MKI67: variants seen among roughly 807,000 people sequenced by gnomAD.
MKI67 encodes marker of proliferation Ki-67.
A neutral mutation model predicts 233.5 loss-of-function variants in MKI67; 152 were observed. The ratio of observed to expected loss-of-function variants is 0.65; its 90% CI spans 0.57 to 0.74. The LOEUF (loss-of-function observed/expected upper bound fraction) is 0.74, where lower values mean the gene tolerates loss of function less well. Ranked by LOEUF, MKI67 falls within the 30% of genes least tolerant of loss-of-function variation. The pLI, the probability that MKI67 is intolerant of heterozygous loss-of-function variation, is 0.00. For synonymous variants in MKI67, 1,465 were observed against 1,418.5 expected (o/e 1.03, Z -0.74); for missense variants, 3,940 against 3,885.2 (o/e 1.01, Z -0.37).
rs73388044 is a variant in MKI67 at position 128,116,330 on chromosome 10, A to T, written c.400+161T>A. 8.0e-3 allele frequency among the ~76,000 whole-genome samples: 1,213 copies of T among 152,356 alleles called. 18 individuals carry two copies. Among genetic ancestry groups the T allele is most frequent in the African/African-American group, 0.028 (1,163 of 41,586 alleles). The stretch of plus-strand genomic sequence containing the variant: ...AGCATACCATCAGTCACCAAGGGAA[A>T]GTTAGGCATCTGTCTGTCGTTGACA... On this transcript the variant is annotated intron_variant, in intron 6 of 14. Coordinates refer to ENST00000368654, the MANE Select transcript of MKI67 (RefSeq NM_002417.5).
intron 8 of MKI67, among the ~76,000 whole-genome samples, chr10:128,112,901 G>C (rs536591371): frequency 1.6e-4 from 24 of 152,262 alleles, no homozygotes; most frequent in African/African-American, 4.6e-4. Context: ...TGAGCTATAG[G>C]GCCATGACTT....
rs1852776470 is a variant in MKI67, at chr10:128,115,293, C to A, written c.1115G>T (p.Arg372Ile). The A allele has an allele frequency of 1.2e-6, 2 of 1,613,946 alleles. No homozygotes were observed. Among genetic ancestry groups the A allele is most frequent in the African/African-American group, 1.3e-5 (1 of 74,882 alleles). ...ACTTTTACCCAGATTCACAGATTCT[C>A]TTCTACCAGTAGTATACAGGTCTTT... ...KNKDLYTTGR[R>I]ESVNLGKSEG... is the part of the protein sequence containing the mutation. The change falls in exon 7 of 15, where the codon AGA (arginine) becomes ATA (isoleucine). Residue 372 changes from arginine to isoleucine, a missense_variant. Arg to Ile is a moderately conservative substitution (Grantham distance 97). Transcript: ENST00000368654.
rs1312988348 is a variant in MKI67 at position 128,108,305 on chromosome 10, G to A, written c.3535C>T (p.Pro1179Ser). The A allele has an allele frequency of 6.2e-6, 10 of 1,614,026 alleles. No homozygotes were observed. Among genetic ancestry groups the A allele is most frequent in the Non-Finnish European group, 8.5e-6 (10 of 1,179,998 alleles). The change falls in exon 13 of 15, where the codon CCA becomes TCA. Residue 1179 changes from proline to serine, a missense_variant. Physicochemically the swap from Pro to Ser is moderately conservative, Grantham distance 74. Coordinates refer to ENST00000368654, the MANE Select transcript of MKI67 (RefSeq NM_002417.5). ...ATGTCTTTCTCATCACCTCCTGCTG[G>A]TTTGGGCGTAAGCATGGCTTTCCCT... ...SAGKAMLTPK[P>S]AGGDEKDIKA... is the part of the protein sequence containing the mutation.
At position 128,107,767 on chromosome 10, in the gene MKI67, T is replaced by C. The variant is rs917447347; in HGVS notation, c.4073A>G (p.His1358Arg). Residue 1358 changes from histidine to arginine, a missense_variant, in exon 13 of 15, where the codon CAT becomes CGT. Coordinates refer to ENST00000368654, the MANE Select transcript of MKI67 (RefSeq NM_002417.5). Reference sequence around the variant, plus strand: ...GCCAGCAGCCACTGCTTCTTCAGTATGACCAGGGGTCTGGAAGAGCTCTTT... The same window carrying C: ...GCCAGCAGCCACTGCTTCTTCAGTACGACCAGGGGTCTGGAAGAGCTCTTT... ...GFKELFQTPGHTEEAVAAGKT... is the reference protein window; with the variant it reads ...GFKELFQTPGRTEEAVAAGKT... 6.2e-7 allele frequency: 1 copy of C among 1,613,854 alleles called. No homozygotes were observed. Among genetic ancestry groups the C allele is most frequent in the South Asian group, 1.1e-5 (1 of 91,066 alleles).
chr10:128,116,532 G>A lies in MKI67; in HGVS notation c.359C>T (p.Pro120Leu), dbSNP rs752217089. ...GCTAGATCTTGAGACACGACGTGCT[G>A]GCTCCTGTAAGTTGGGAAAATAAGA... ...EFPRKIREQE[P>L]ARRVSRSSFS... The change falls in exon 6 of 15, where the codon CCA becomes CTA. Residue 120 changes from proline (P) to leucine (L), a missense_variant. Transcript: ENST00000368654. 2 of 1,613,886 alleles carry A rather than the reference G, an allele frequency of 1.2e-6. No individual in the cohort carries two copies. Among genetic ancestry groups the A allele is most frequent in the Non-Finnish European group, 1.7e-6 (2 of 1,179,752 alleles).
chr10:128,109,430 T>C lies in MKI67; in HGVS notation c.2417-7A>G, dbSNP rs1198168253. On this transcript the variant is annotated splice_region_variant and splice_polypyrimidine_tract_variant and intron_variant, in intron 12 of 14. Transcript: ENST00000368654. ...CTGAAGAACACATTTCCTCCTGAAA[T>C]AAAAACATACACAATAAAAACATTC... is the stretch of plus-strand genomic sequence containing the variant. 6.2e-7 allele frequency: 1 copy of C among 1,600,524 alleles called. No individual in the cohort carries two copies. Among genetic ancestry groups the C allele is most frequent in the Non-Finnish European group, 8.5e-7 (1 of 1,172,800 alleles).
rs1199565260 is a variant in MKI67 at position 128,105,372 on chromosome 10, GC to G, written c.6467del (p.Gly2156AlafsTer19). 6.2e-7 allele frequency: 1 copy of G among 1,614,062 alleles called. No individual in the cohort carries two copies. Among genetic ancestry groups the G allele is most frequent in the African/African-American group, 1.3e-5 (1 of 74,920 alleles). ...TTGCAGTTTCCCTGAACACGTTGAT[GC>G]CTTTATCCTCATCTCCTGGTACTTT... ...TDKVPGDEDK[G>X]INVFRETAKQ... On this transcript the variant is annotated frameshift_variant, in exon 13 of 15. Coordinates refer to ENST00000368654, the MANE Select transcript of MKI67 (RefSeq NM_002417.5). LOFTEE classifies it high-confidence loss of function.
At chr10:128,116,976 CTGTT>C (rs1341916722) in intron 5 of MKI67, among the ~76,000 whole-genome samples, 2 of 152,152 alleles carry the variant, frequency 1.3e-5, no homozygotes, top group African/African-American at 2.4e-5. Context: ...CTTTTAAAGA[CTGTT>C]TGAGAAATGA....
chr10:128,119,673 A>C (rs932897154), intron 4 of MKI67, among the ~76,000 whole-genome samples: 2 of 152,226 alleles, frequency 1.3e-5, no homozygotes, highest in African/African-American at 4.8e-5. Context: ...AAGTCCATGG[A>C]AATCATCGGA....
intron 11 of MKI67, chr10:128,111,399 G>C (rs761235917): frequency 1.4e-5 from 6 of 428,846 alleles, no homozygotes; most frequent in Non-Finnish European, 2.5e-5. Context: ...CCAGGGTAAA[G>C]ACATGCATTT....
chr10:128,120,125 T>A (rs1388137527), intron 4 of MKI67, among the ~76,000 whole-genome samples: 1 of 152,226 alleles, frequency 6.6e-6, no homozygotes, highest in Non-Finnish European at 1.5e-5. Context: ...TCTTTAATCA[T>A]CTGAATTTAT....
rs768920414 is a variant in MKI67 at position 128,102,715 on chromosome 10, G to T, written c.9125C>A (p.Ser3042Tyr). Residue 3042 changes from serine to tyrosine, a missense_variant, in exon 13 of 15, where the codon TCC (serine) becomes TAC (tyrosine). Coordinates refer to ENST00000368654, the MANE Select transcript of MKI67 (RefSeq NM_002417.5). ...TCTCTTCATGATGACCACGGGTTCG[G>T]ATGATTTGCCTCTTGCCCTGGGAGC... ...RVAPRARGKSSEPVVIMKRSL... is the reference protein window; with the variant it reads ...RVAPRARGKSYEPVVIMKRSL... 6.2e-6 allele frequency: 10 copies of T among 1,614,086 alleles called. No individual in the cohort carries two copies. The East Asian group carries it at 2.0e-4, about 32-fold the overall frequency.
At position 128,107,189 on chromosome 10, in the gene MKI67, T is replaced by C; in HGVS notation, c.4651A>G (p.Ile1551Val). 4 of 1,614,104 alleles carry C rather than the reference T, an allele frequency of 2.5e-6. No individual in the cohort carries two copies. Among genetic ancestry groups the C allele is most frequent in the Non-Finnish European group, 3.4e-6 (4 of 1,180,014 alleles). ...PKPAVSGEKN[I>V]YAFMGTPVQK... ...ACTGGAGTTCCCATAAATGCGTAGA[T>C]GTTTTTCTCACCACTTACTGCTGGT... The change falls in exon 13 of 15, where the codon ATC becomes GTC. Residue 1551 changes from isoleucine (I) to valine (V), a missense_variant. Physicochemically the swap from Ile to Val is conservative, Grantham distance 29. Transcript: ENST00000368654.
chr10:128,107,750 C>T lies in MKI67; in HGVS notation c.4090G>A (p.Ala1364Thr). 1 of 1,613,490 alleles carries T rather than the reference C, an allele frequency of 6.2e-7. No homozygotes were observed. The highest frequency in any genetic ancestry group is 8.5e-7 in the Non-Finnish European group (1 of 1,179,908). ...QTPGHTEEAV[A>T]AGKTTKMPCE... ...GGCATTTTAGTAGTTTTGCCAGCAG[C>T]CACTGCTTCTTCAGTATGACCAGGG... The change falls in exon 13 of 15, where the codon GCT (alanine) becomes ACT (threonine). Residue 1364 changes from alanine to threonine, a missense_variant. Coordinates refer to ENST00000368654, the MANE Select transcript of MKI67 (RefSeq NM_002417.5).
rs1442876990 is a variant in MKI67 at position 128,108,054 on chromosome 10, TG to T, written c.3785del (p.Pro1262GlnfsTer17). On this transcript the variant is annotated frameshift_variant, in exon 13 of 15. Coordinates refer to ENST00000368654, the MANE Select transcript of MKI67 (RefSeq NM_002417.5). LOFTEE classifies it high-confidence loss of function. ...TCTTGGGTCGTTGCTTTGTGCTTGTTGGGGTGTCCACTGGGTCTGACTGTGG... is the reference window on the plus strand; with the variant it reads ...TCTTGGGTCGTTGCTTTGTGCTTGTTGGGTGTCCACTGGGTCTGACTGTGG... ...DSPQSDPVDT[P>X]TSTKQRPKRS... 6.2e-7 allele frequency: 1 copy of T among 1,613,966 alleles called. No individual in the cohort carries two copies. Among genetic ancestry groups the T allele is most frequent in the East Asian group, 2.2e-5 (1 of 44,866 alleles).
chr10:128,101,568 T>C lies in MKI67; in HGVS notation c.9395A>G (p.Asp3132Gly), dbSNP rs368893840. The change falls in exon 14 of 15, where the codon GAC (aspartate) becomes GGC (glycine). Residue 3132 changes from aspartate (D) to glycine (G), a missense_variant. Transcript: ENST00000368654. ...GGCTCCATCATCTGGATTCTGAATG[T>C]CCATCTCTGGGGAGGTCTTCATGGG... Reference protein sequence around the residue: ...KKPMKTSPEMDIQNPDDGARK... With the variant: ...KKPMKTSPEMGIQNPDDGARK... 2.5e-6 allele frequency: 4 copies of C among 1,614,128 alleles called. No individual in the cohort carries two copies. The Admixed American group carries it at 5.0e-5, about 20-fold the overall frequency.
chr10:128,101,549 A>T lies in MKI67; in HGVS notation c.9414T>A (p.Asp3138Glu). ...SPEMDIQNPD[D>E]GARKPIPRDK... ...CTCTAGGTATGGGTTTCCGGGCTCC[A>T]TCATCTGGATTCTGAATGTCCATCT... Residue 3138 changes from aspartate to glutamate, a missense_variant, in exon 14 of 15, where the codon GAT (aspartate) becomes GAA (glutamate). Coordinates refer to ENST00000368654, the MANE Select transcript of MKI67 (RefSeq NM_002417.5). 1 of 1,614,224 alleles carries T rather than the reference A, an allele frequency of 6.2e-7. No individual in the cohort carries two copies. Among genetic ancestry groups the T allele is most frequent in the Admixed American group, 1.7e-5 (1 of 60,030 alleles).
intron 14 of MKI67, among the ~76,000 whole-genome samples, chr10:128,100,372 C>G (rs142022400): frequency 1.7e-3 from 256 of 152,028 alleles, no homozygotes; most frequent in African/African-American, 5.7e-3. Flanking sequence ...CTTTCCTTTT[C>G]TTGGCAGTTG....
chr10:128,112,597 T>A, intron 8 of MKI67, 152 bp from the exon 9 acceptor site: 1 of 768,426 alleles, frequency 1.3e-6, no homozygotes, highest in Non-Finnish European at 2.1e-6. Flanking sequence ...ATGGTAGAGG[T>A]GAGACTGTCT....
Sources: gnomAD v4.1 joint callset for allele counts (sites outside exome capture counted in the v4.1 genomes callset) on GRCh38, gnomAD v4.1.1 for gene constraint, MANE v1.5 for transcripts, NCBI Gene and HGNC (gene_info 2026-07-23, HGNC 2026-07-21) for gene names.